Variants in KCNIP4 observed in about 807,000 individuals in gnomAD.
KCNIP4 encodes potassium voltage-gated channel interacting protein 4.
KCNIP4 carries 12 observed loss-of-function variants against 34.0 expected under a neutral mutation model. That is an observed-to-expected ratio of 0.35 (90% CI 0.23 to 0.57). The LOEUF (loss-of-function observed/expected upper bound fraction) is 0.57. Ranked by LOEUF, KCNIP4 falls within the 20% of genes least tolerant of loss-of-function variation. The pLI, the probability that KCNIP4 is intolerant of heterozygous loss-of-function variation, is 0.83. For missense variants in KCNIP4, 238 were observed against 311.7 expected (o/e 0.76, Z 1.78); for synonymous variants, 124 against 102.2 (o/e 1.21, Z -1.29).
At chr4:21,065,524 C>T (rs544833990) in intron 1 of KCNIP4, among the ~76,000 whole-genome samples, 7 of 151,744 alleles carry the variant, frequency 4.6e-5, no homozygotes, top group South Asian at 2.1e-4. Context: ...CACTATTAAT[C>T]GATTATTATA....
chr4:20,947,209 T>C (rs959387291), intron 1 of KCNIP4, among the ~76,000 whole-genome samples: 8 of 152,134 alleles, frequency 5.3e-5, no homozygotes, highest in Admixed American at 5.2e-4. Flanking sequence ...CACTCTGCTG[T>C]CCAGGGTGGA....
chr4:21,609,199 T>A (rs1352826486), intron 1 of KCNIP4, among the ~76,000 whole-genome samples: 2 of 152,144 alleles, frequency 1.3e-5, no homozygotes, highest in Non-Finnish European at 2.9e-5. Context: ...AAAGCAAGAA[T>A]ATGCTTGTGA....
intron 1 of KCNIP4, among the ~76,000 whole-genome samples, chr4:21,320,962 C>CT (rs1314729595): frequency 2.9e-5 from 2 of 69,014 alleles, no homozygotes; most frequent in South Asian, 5.8e-4. Context: ...AAGAATCTGT[C>CT]TTAAAAAAAA....
intron 3 of KCNIP4, among the ~76,000 whole-genome samples, chr4:20,812,785 G>A (rs1356723929): frequency 1.3e-5 from 2 of 151,980 alleles, no homozygotes; most frequent in African/African-American, 2.4e-5. Context: ...TTGGGATGAG[G>A]GAACCATCTT....
chr4:21,847,631 G>T (rs1724103580), intron 1 of KCNIP4: 1 of 151,096 alleles, frequency 6.6e-6, no homozygotes, highest in South Asian at 2.1e-4. Context: ...TAATTAAATT[G>T]TTTTTTGTTT....
At chr4:21,696,612 C>T (rs1712343486) in intron 1 of KCNIP4, among the ~76,000 whole-genome samples, 2 of 152,094 alleles carry the variant, frequency 1.3e-5, no homozygotes, top group Admixed American at 1.3e-4. Context: ...TTAGTCCCAC[C>T]TGTCACTAAT....
rs765053167 is a variant in KCNIP4 at position 20,734,741 on chromosome 4, A to G, written c.430-6T>C. ...GAAAGACCTTTGATGAAATCCTGAA[A>G]AGAAATAAAAATTCAATTTTATATG... On this transcript the variant is annotated splice_polypyrimidine_tract_variant and splice_region_variant and intron_variant, in intron 5 of 8. Coordinates refer to ENST00000382152, the MANE Select transcript of KCNIP4 (RefSeq NM_025221.6). 5 of 1,501,374 alleles carry G rather than the reference A, an allele frequency of 3.3e-6. No homozygotes were observed. Among genetic ancestry groups the G allele is most frequent in the South Asian group, 2.4e-5 (2 of 81,856 alleles). The allele number at this position is 1,501,374 out of a possible 1,614,324, so 93.0% of individuals were successfully genotyped here.
intron 5 of KCNIP4, among the ~76,000 whole-genome samples, chr4:20,737,874 G>C (rs983244360): frequency 6.6e-6 from 1 of 152,216 alleles, no homozygotes; most frequent in African/African-American, 2.4e-5. Flanking sequence ...GCTCATGCCT[G>C]TAATCCCAGC....
rs528009357 is a variant in KCNIP4 at position 21,129,112 on chromosome 4, G to A, written c.62-246403C>T. Among the ~76,000 whole-genome samples, 3 of 152,302 alleles carry A rather than the reference G, an allele frequency of 2.0e-5. No homozygotes were observed. In the South Asian group the frequency reaches 6.2e-4, roughly 32 times the overall value. On this transcript the variant is annotated intron_variant, in intron 1 of 8. Coordinates refer to ENST00000382152, the MANE Select transcript of KCNIP4 (RefSeq NM_025221.6). ...GTTCCCCCATACTGTTCTCGTGGTA[G>A]TGAATAAGTCTCATGAGATCTCATG...
intron 1 of KCNIP4, among the ~76,000 whole-genome samples, chr4:21,241,556 A>G (rs1279668734): frequency 6.6e-6 from 1 of 152,168 alleles, no homozygotes; most frequent in African/African-American, 2.4e-5. Context: ...TCAGAGGAAT[A>G]AGCCAGCTGA....
chr4:20,951,598 C>G (rs1395057952), intron 1 of KCNIP4, among the ~76,000 whole-genome samples: 1 of 152,140 alleles, frequency 6.6e-6, no homozygotes, highest in Non-Finnish European at 1.5e-5. Flanking sequence ...TGTGCACACT[C>G]ATATATCTTT....
intron 1 of KCNIP4, among the ~76,000 whole-genome samples, chr4:21,023,694 A>G (rs921819105): frequency 1.3e-5 from 2 of 152,160 alleles, no homozygotes; most frequent in Non-Finnish European, 2.9e-5. Flanking sequence ...ACTTGAGGCC[A>G]GGAATTTGAG....
At position 21,568,047 on chromosome 4, in the gene KCNIP4, G is replaced by A. The variant is rs1227000592; in HGVS notation, c.61+380524C>T. Among the ~76,000 whole-genome samples, 4 of 152,162 alleles carry A rather than the reference G, an allele frequency of 2.6e-5. No homozygotes were observed. The South Asian group carries it at 6.2e-4, about 24-fold the overall frequency. ...CCCCATGATAACTTGCCCTGAGGGA[G>A]AGAGTCATGAGTGTGCAACAATATT... On this transcript the variant is annotated intron_variant, in intron 1 of 8. Coordinates refer to ENST00000382152, the MANE Select transcript of KCNIP4 (RefSeq NM_025221.6).
intron 3 of KCNIP4, among the ~76,000 whole-genome samples, chr4:20,804,529 T>G (rs1002564749): frequency 1.8e-4 from 27 of 151,902 alleles, no homozygotes; most frequent in African/African-American, 6.5e-4. Context: ...CAGCTTGGAA[T>G]ATCCTTACCT....
chr4:21,125,516 A>T (rs1335855840), intron 1 of KCNIP4, among the ~76,000 whole-genome samples: 1 of 152,120 alleles, frequency 6.6e-6, no homozygotes, highest in East Asian at 1.9e-4. Context: ...CGCCTGGCCC[A>T]TCAGGGCTTT....
intron 1 of KCNIP4, among the ~76,000 whole-genome samples, chr4:21,068,868 G>A (rs186209471): frequency 1.2e-3 from 181 of 152,264 alleles, no homozygotes; most frequent in African/African-American, 4.1e-3. Context: ...ATATTGTTGA[G>A]TGAATGAATG....
intron 5 of KCNIP4, among the ~76,000 whole-genome samples, chr4:20,747,487 C>G (rs1209770593): frequency 1.3e-5 from 2 of 152,132 alleles, no homozygotes; most frequent in African/African-American, 4.8e-5. Context: ...ATGGAGTGAC[C>G]TAAGCTGCCA....
intron 1 of KCNIP4, among the ~76,000 whole-genome samples, chr4:20,952,002 C>T (rs561547825): frequency 1.3e-5 from 2 of 152,274 alleles, no homozygotes; most frequent in African/African-American, 2.4e-5. Flanking sequence ...CTTCCAATAA[C>T]ATGGTGCCTA....
chr4:21,370,812 TA>T (rs1720290731), intron 1 of KCNIP4, among the ~76,000 whole-genome samples: 2 of 8,986 alleles, frequency 2.2e-4, no homozygotes, highest in Non-Finnish European at 4.0e-4. Context: ...TATATATATA[TA>T]TATATATATA....
Sources: gnomAD v4.1 joint callset for allele counts (sites outside exome capture counted in the v4.1 genomes callset) on GRCh38, gnomAD v4.1.1 for gene constraint, MANE v1.5 for transcripts, NCBI Gene and HGNC (gene_info 2026-07-23, HGNC 2026-07-21) for gene names.